GINS1: variants seen among roughly 807,000 people sequenced by gnomAD.
GINS1 encodes the protein GINS complex subunit 1.
Under a neutral mutation model 34.9 loss-of-function variants are expected in GINS1, and 26 were observed. That is an observed-to-expected ratio of 0.74 (90% CI 0.55 to 1.03). The LOEUF is 1.03. Among genes scored for constraint, GINS1 ranks in the 50% least tolerant of loss-of-function variants. The pLI is 0.00. For synonymous variants in GINS1, 97 were observed against 84.4 expected (o/e 1.15, Z -0.82); for missense variants, 235 against 237.9 (o/e 0.99, Z 0.08).
At chr20:25,411,418 C>T (rs1350248666) in intron 1 of GINS1, 1 of 152,148 alleles carries the variant, frequency 6.6e-6, no homozygotes, top group Non-Finnish European at 1.5e-5. Context: ...TTTTTGCCAA[C>T]ACATATATTT....
At chr20:25,415,036 A>G (rs1007126629) in intron 2 of GINS1, among the ~76,000 whole-genome samples, 6 of 152,232 alleles carry the variant, frequency 3.9e-5, no homozygotes, top group African/African-American at 1.4e-4. Context: ...TACTGGATCA[A>G]AGTTGAAGTA....
chr20:25,435,783 A>AAC (rs1568808289), intron 5 of GINS1, among the ~76,000 whole-genome samples: 3 of 73,932 alleles, frequency 4.1e-5, no homozygotes, highest in Non-Finnish European at 5.5e-5. Flanking sequence ...AAAAAAAAAA[A>AAC]AAAAACCAAC....
At chr20:25,434,255 C>T (rs950145758) in intron 5 of GINS1, among the ~76,000 whole-genome samples, 1 of 151,880 alleles carries the variant, frequency 6.6e-6, no homozygotes, top group Non-Finnish European at 1.5e-5. Context: ...TGCACTCCAG[C>T]CTGGGCGACA....
chr20:25,420,910 C>A, intron 4 of GINS1: 1 of 974,884 alleles, frequency 1.0e-6, no homozygotes. Context: ...TGTAGTAGAC[C>A]ACAGACATCT....
intron 4 of GINS1, among the ~76,000 whole-genome samples, chr20:25,420,637 G>A (rs1031822505): frequency 6.6e-6 from 1 of 151,952 alleles, no homozygotes; most frequent in Admixed American, 6.6e-5. Flanking sequence ...AAGATTAGCT[G>A]GGTGTGGTGG....
At position 25,417,127 on chromosome 20, in the gene GINS1, G is replaced by A. The variant is rs368823946; in HGVS notation, c.164G>A (p.Arg55Gln). 19 of 1,577,608 alleles carry A rather than the reference G, an allele frequency of 1.2e-5. No individual in the cohort carries two copies. Among genetic ancestry groups the A allele is most frequent in the African/African-American group, 1.1e-4 (8 of 74,126 alleles). ...AGGAATGAAGCAAAGTCAGGTGGAC[G>A]AAGTGATTTGATACCAACTATCAAA... is the stretch of plus-strand genomic sequence containing the variant. Reference protein sequence around the residue: ...SDVNEAKSGGRSDLIPTIKFR... With the variant: ...SDVNEAKSGGQSDLIPTIKFR... Residue 55 changes from arginine (R) to glutamine (Q), a missense_variant, in exon 3 of 7, where the codon CGA becomes CAA. By Grantham distance (43) the Arg-to-Gln change is conservative (BLOSUM62 1). Transcript: ENST00000262460.
intron 4 of GINS1, among the ~76,000 whole-genome samples, chr20:25,422,978 T>C (rs2090365726): frequency 6.6e-6 from 1 of 152,090 alleles, no homozygotes; most frequent in African/African-American, 2.4e-5. Context: ...GGTTTCTCCA[T>C]GTTGGTCAGG....
rs922482784 is a variant in GINS1 at position 25,440,907 on chromosome 20, C to T, written c.448-795C>T. ...GTATTTCTCATATTTAATTAAAATA[C>T]TTTGGGTGTCTTGGTAAGGTTCCGG... is the stretch of plus-strand genomic sequence containing the variant. On this transcript the variant is annotated intron_variant, in intron 5 of 6. Coordinates refer to ENST00000262460, the MANE Select transcript of GINS1 (RefSeq NM_021067.5). 2.7e-5 allele frequency among the ~76,000 whole-genome samples: 4 copies of T among 150,344 alleles called. No homozygotes were observed. In the South Asian group the frequency reaches 8.5e-4, roughly 32 times the overall value.
At chr20:25,422,041 A>T (rs2090358617) in intron 4 of GINS1, among the ~76,000 whole-genome samples, 1 of 151,856 alleles carries the variant, frequency 6.6e-6, no homozygotes, top group Non-Finnish European at 1.5e-5. Context: ...TAAATCTTTT[A>T]AAATCACTTA....
chr20:25,438,720 C>T (rs1023489629), intron 5 of GINS1, among the ~76,000 whole-genome samples: 5 of 151,866 alleles, frequency 3.3e-5, no homozygotes, highest in African/African-American at 1.2e-4. Context: ...ACTACAGGTG[C>T]TCACAACCAC....
At chr20:25,411,547 G>A (rs1428012185) in intron 1 of GINS1, among the ~76,000 whole-genome samples, 7 of 152,128 alleles carry the variant, frequency 4.6e-5, no homozygotes, top group East Asian at 3.9e-4. Context: ...GCCTGTACTC[G>A]CAGCACTTTG....
chr20:25,444,252 A>G, intron 6 of GINS1, among the ~76,000 whole-genome samples: 1 of 151,808 alleles, frequency 6.6e-6, no homozygotes, highest in Non-Finnish European at 1.5e-5. Flanking sequence ...TGACCTCGTG[A>G]TCCACCTGCC....
chr20:25,438,929 A>T (rs896378619), intron 5 of GINS1, among the ~76,000 whole-genome samples: 1 of 152,160 alleles, frequency 6.6e-6, no homozygotes, highest in Non-Finnish European at 1.5e-5. Context: ...AATGTGAGGG[A>T]TCCAACTCAT....
intron 5 of GINS1, among the ~76,000 whole-genome samples, chr20:25,437,540 G>T (rs2090460560): frequency 6.6e-6 from 1 of 152,126 alleles, no homozygotes; most frequent in Non-Finnish European, 1.5e-5. Flanking sequence ...ACTGACGTCA[G>T]ACAGAGTCTG....
intron 5 of GINS1, among the ~76,000 whole-genome samples, chr20:25,439,140 G>T (rs1243009067): frequency 2.6e-5 from 4 of 152,166 alleles, no homozygotes. Context: ...AGATAATGGA[G>T]ATCTTTATAA....
At chr20:25,420,685 G>A (rs2090349333) in intron 4 of GINS1, among the ~76,000 whole-genome samples, 1 of 151,622 alleles carries the variant, frequency 6.6e-6, no homozygotes, top group Admixed American at 6.6e-5. Context: ...GGAGGCTGAG[G>A]GCAGGACAAT....
chr20:25,427,526 C>CG (rs1168990500), intron 5 of GINS1, among the ~76,000 whole-genome samples: 3 of 152,122 alleles, frequency 2.0e-5, no homozygotes, highest in Non-Finnish European at 4.4e-5. Flanking sequence ...GGATGTAAAA[C>CG]GTGGTTTTGA....
In GINS1 at chr20:25,414,005, C is replaced by T. The variant is rs147960550; in HGVS notation, c.140+151C>T. The stretch of plus-strand genomic sequence containing the variant: ...AGGAGTTTGAGATCAGCTTGGCCAA[C>T]ATGGTGAAACCTTGTCTCTACTAAA... On this transcript the variant is annotated intron_variant, in intron 2 of 6. Coordinates refer to ENST00000262460, the MANE Select transcript of GINS1 (RefSeq NM_021067.5). 1,770 of 557,184 alleles carry T rather than the reference C, an allele frequency of 3.2e-3. 25 individuals carry two copies. Among genetic ancestry groups the T allele is most frequent in the African/African-American group, 0.031 (1,622 of 52,560 alleles). The allele number at this position is 557,184 out of a possible 1,614,324, so 34.5% of individuals were successfully genotyped here. A position where few individuals can be genotyped will look rare whatever the true frequency, so the allele number is the denominator to read the frequency against.
chr20:25,441,568 A>C lies in GINS1; in HGVS notation c.448-134A>C, dbSNP rs966425161. ...ACTATTAGAATACCACAATAGTAGTACTAGGCCTAAGTACATGGAGAGGAA... is the reference window on the plus strand; with the variant it reads ...ACTATTAGAATACCACAATAGTAGTCCTAGGCCTAAGTACATGGAGAGGAA... On this transcript the variant is annotated intron_variant, in intron 5 of 6. Transcript: ENST00000262460. 7.2e-6 allele frequency: 4 copies of C among 559,020 alleles called. No homozygotes were observed. The Admixed American group carries it at 1.4e-4, about 20-fold the overall frequency. The allele number at this position is 559,020 out of a possible 1,614,324, so 34.6% of individuals were successfully genotyped here.
Sources: allele counts gnomAD v4.1 joint callset (sites outside exome capture counted in the v4.1 genomes callset), GRCh38; gene constraint gnomAD v4.1.1; transcripts MANE v1.5; gene names NCBI Gene and HGNC (gene_info 2026-07-23, HGNC 2026-07-21).